TXNL4A: variants seen among roughly 807,000 people sequenced by gnomAD.
TXNL4A encodes the protein thioredoxin-like protein 4A.
In TXNL4A, 17 loss-of-function variants were observed where a neutral mutation model predicts 14.6. The ratio of observed to expected loss-of-function variants is 1.16; its 90% confidence interval spans 0.80 to 1.74. The LOEUF (loss-of-function observed/expected upper bound fraction) is 1.74. TXNL4A is among the 40% of genes most tolerant of loss of function. The pLI, the probability that TXNL4A is intolerant of heterozygous loss-of-function variation, is 0.00. For synonymous variants in TXNL4A, 83 were observed against 70.6 expected (o/e 1.18, Z -0.88); for missense variants, 74 against 195.2 (o/e 0.38, Z 3.70).
At chr18:79,994,458 C>T (rs895554920) in intron 1 of TXNL4A, among the ~76,000 whole-genome samples, 26 of 151,998 alleles carry the variant, frequency 1.7e-4, no homozygotes, top group Admixed American at 7.9e-4. Context: ...AAGATCACCT[C>T]ATCTCCCTAT....
At chr18:79,985,017 C>A (rs1225704783) in intron 1 of TXNL4A, among the ~76,000 whole-genome samples, 2 of 152,106 alleles carry the variant, frequency 1.3e-5, no homozygotes, top group African/African-American at 4.8e-5. Flanking sequence ...GGCGTTCCCA[C>A]AAAATGGAAA....
At chr18:79,977,234 G>A (rs1049686254) in intron 2 of TXNL4A, 1 of 303,510 alleles carries the variant, frequency 3.3e-6, no homozygotes, top group African/African-American at 2.2e-5. Context: ...TGGGATTACA[G>A]GCGCTTTGAG....
At chr18:80,001,386 C>T (rs939399011) in intron 1 of TXNL4A, among the ~76,000 whole-genome samples, 10 of 152,140 alleles carry the variant, frequency 6.6e-5, no homozygotes, top group African/African-American at 1.9e-4. Flanking sequence ...GAGGTTGAAG[C>T]CCCCACACAG....
At position 79,971,124 on chromosome 18, in the gene TXNL4A, A is replaced by C. The variant is rs116046240; in HGVS notation, c.*2561T>G. On this transcript the variant is annotated 3_prime_UTR_variant, in exon 3 of 3. Coordinates refer to ENST00000269601, the MANE Select transcript of TXNL4A (RefSeq NM_006701.5). ...AAATGGAATCACACAATATGTAGTA[A>C]CTGGCTTTTCACTTACAGTACTTCA... 1,759 of 152,744 alleles carry C rather than the reference A, an allele frequency of 0.012. 24 individuals are homozygous for C. Among genetic ancestry groups the C allele is most frequent in the African/African-American group, 0.035 (1,442 of 41,568 alleles). 9.5% of individuals were successfully genotyped at this position (152,744 alleles called of 1,614,324 possible). A position where few individuals can be genotyped will look rare whatever the true frequency, so the allele number is the denominator to read the frequency against.
chr18:80,020,138 A>G (rs1235031587), intron 1 of TXNL4A, among the ~76,000 whole-genome samples: 2 of 152,196 alleles, frequency 1.3e-5, no homozygotes, highest in Non-Finnish European at 2.9e-5. Context: ...TTGCCAGCAC[A>G]GGCTCTCTCT....
At position 79,971,525 on chromosome 18, in the gene TXNL4A, T is replaced by A. The variant is rs2051301431; in HGVS notation, c.*2160A>T. 2 of 152,238 alleles carry A rather than the reference T, an allele frequency of 1.3e-5. No individual in the cohort carries two copies. The highest frequency in any genetic ancestry group is 2.9e-5 in the Non-Finnish European group (2 of 68,104). 9.4% of individuals were successfully genotyped at this position (152,238 alleles called of 1,614,324 possible). A position where few individuals can be genotyped will look rare whatever the true frequency, so the allele number is the denominator to read the frequency against. On this transcript the variant is annotated 3_prime_UTR_variant, in exon 3 of 3. Coordinates refer to ENST00000269601, the MANE Select transcript of TXNL4A (RefSeq NM_006701.5). ...CTGTATTTTTTGTAGAGACAGGGTC[T>A]CACCAGGTTGCCCAGGCTGGTCGTG...
chr18:80,028,374 C>A (rs910473697), intron 1 of TXNL4A, among the ~76,000 whole-genome samples: 1 of 149,998 alleles, frequency 6.7e-6, no homozygotes, highest in African/African-American at 2.5e-5. Context: ...GTCAACCGGT[C>A]AGCCTCTTAT....
Position 79,973,073 on chromosome 18 carries a change from T to C in TXNL4A, c.*612A>G. 6.6e-6 allele frequency: 1 copy of C among 152,134 alleles called. No homozygotes were observed. Among genetic ancestry groups the C allele is most frequent in the Non-Finnish European group, 1.5e-5 (1 of 68,060 alleles). The allele number at this position is 152,134 out of a possible 1,614,324, so 9.4% of individuals were successfully genotyped here. A position where few individuals can be genotyped will look rare whatever the true frequency, so the allele number is the denominator to read the frequency against. Reference sequence around the variant, plus strand: ...AAGATTAGGCCATGCTGGAGCAGGGTGGGCCCCAATCCAACACAGCTGGTG... The same window carrying C: ...AAGATTAGGCCATGCTGGAGCAGGGCGGGCCCCAATCCAACACAGCTGGTG... On this transcript the variant is annotated 3_prime_UTR_variant, in exon 3 of 3. Transcript: ENST00000269601.
intron 1 of TXNL4A, among the ~76,000 whole-genome samples, chr18:80,029,478 T>C (rs1266093926): frequency 1.3e-5 from 2 of 152,208 alleles, no homozygotes; most frequent in Non-Finnish European, 2.9e-5. Flanking sequence ...GCCACAGCCA[T>C]GGCAGTTGGA....
chr18:80,021,202 A>G (rs55726829), intron 1 of TXNL4A, among the ~76,000 whole-genome samples: 44,931 of 149,720 alleles, frequency 0.3, 7,013 homozygotes, highest in Non-Finnish European at 0.36. Flanking sequence ...TTTGAGATGG[A>G]GTCTTGCTCT....
chr18:79,985,592 G>A (rs1264477470), intron 1 of TXNL4A, among the ~76,000 whole-genome samples: 1 of 152,144 alleles, frequency 6.6e-6, no homozygotes, highest in Non-Finnish European at 1.5e-5. Context: ...CAAATGAATT[G>A]CCCCACATTT....
At position 80,004,562 on chromosome 18, in the gene TXNL4A, C is replaced by CT. The variant is rs1380711318; in HGVS notation, c.-60-26862dup. Among the ~76,000 whole-genome samples the CT allele has an allele frequency of 2.0e-5, 3 of 152,166 alleles. No individual in the cohort carries two copies. The East Asian group carries it at 5.8e-4, about 29-fold the overall frequency. Reference sequence around the variant, plus strand: ...TCCTTGCAGCAGGAGCTCTGGGTTACTTTGCTGGTTGAAGAGGAAAGTAAG... The same window carrying CT: ...TCCTTGCAGCAGGAGCTCTGGGTTACTTTTGCTGGTTGAAGAGGAAAGTAAG... On this transcript the variant is annotated intron_variant, in intron 1 of 2. Coordinates refer to the TXNL4A transcript ENST00000585474.
At chr18:79,992,459 A>G (rs12606844), upstream of TXNL4A, among the ~76,000 whole-genome samples, 17,033 of 152,188 alleles carry the variant, frequency 0.11, 1,184 homozygotes, top group East Asian at 0.27. Context: ...CATCACCCCC[A>G]GGCCCAGGGC....
intron 1 of TXNL4A, among the ~76,000 whole-genome samples, chr18:80,016,972 T>C (rs1021646293): frequency 1.3e-5 from 2 of 152,164 alleles, no homozygotes; most frequent in Non-Finnish European, 2.9e-5. Flanking sequence ...ATTTTCACGA[T>C]ATTGATTCTT....
At chr18:80,022,057 C>A (rs368725143) in intron 1 of TXNL4A, among the ~76,000 whole-genome samples, 1 of 151,626 alleles carries the variant, frequency 6.6e-6, no homozygotes, top group African/African-American at 2.4e-5. Context: ...AGATTAAACA[C>A]TTGGATTAAA....
chr18:80,001,103 C>T (rs942903897), intron 1 of TXNL4A, among the ~76,000 whole-genome samples: 6 of 152,186 alleles, frequency 3.9e-5, no homozygotes, highest in African/African-American at 1.4e-4. Context: ...CTAGTAAGGA[C>T]TTGGTGCCCT....
intron 1 of TXNL4A, among the ~76,000 whole-genome samples, chr18:80,023,640 G>C (rs1016599721): frequency 1.3e-5 from 2 of 152,158 alleles, no homozygotes; most frequent in Non-Finnish European, 1.5e-5. Flanking sequence ...TATTCACTGA[G>C]GGTGAAATAT....
At chr18:80,026,468 T>G (rs944615068) in intron 1 of TXNL4A, among the ~76,000 whole-genome samples, 4 of 151,952 alleles carry the variant, frequency 2.6e-5, no homozygotes, top group Admixed American at 1.3e-4. Context: ...GTTTCACGTC[T>G]CCAAATATTC....
chr18:80,001,334 CT>C (rs770473535), intron 1 of TXNL4A, among the ~76,000 whole-genome samples: 1 of 152,186 alleles, frequency 6.6e-6, no homozygotes, highest in Non-Finnish European at 1.5e-5. Context: ...GGCTGGGGCC[CT>C]CATGGAGAAC....
Sources: allele counts gnomAD v4.1 joint callset (sites outside exome capture counted in the v4.1 genomes callset), GRCh38; gene constraint gnomAD v4.1.1; transcripts MANE v1.5; gene names NCBI Gene and HGNC (gene_info 2026-07-23, HGNC 2026-07-21).